The following SLIT2 variants were observed in gnomAD, a reference collection of about 807,000 sequenced individuals.
The protein encoded by SLIT2 is slit homolog 2 protein.
A neutral mutation model predicts 185.7 loss-of-function variants in SLIT2; 41 were observed. The observed-to-expected ratio is 0.22, with a 90% CI of 0.17 to 0.29. SLIT2 has a LOEUF of 0.29. Among genes scored for constraint, SLIT2 ranks in the 10% least tolerant of loss-of-function variants. SLIT2 has a pLI of 1.00. For synonymous variants in SLIT2, 693 were observed against 680.2 expected, an observed-to-expected ratio of 1.02 and a Z score of -0.29; for missense variants, 1,571 against 1,909.0, an observed-to-expected ratio of 0.82 and a Z score of 3.30.
chr4:20,383,357 G>A (rs1024049538), intron 4 of SLIT2, among the ~76,000 whole-genome samples: 1 of 152,092 alleles, frequency 6.6e-6, no homozygotes, highest in Non-Finnish European at 1.5e-5. Context: ...AATATGTAAA[G>A]AACTCTTTCA....
At chr4:20,390,217 A>G (rs1725304341) in intron 4 of SLIT2, among the ~76,000 whole-genome samples, 1 of 152,120 alleles carries the variant, frequency 6.6e-6, no homozygotes, top group African/African-American at 2.4e-5. Flanking sequence ...CACTATTCTA[A>G]TTAAATGCAA....
chr4:20,343,182 G>A (rs955333308), intron 4 of SLIT2, among the ~76,000 whole-genome samples: 2 of 151,882 alleles, frequency 1.3e-5, no homozygotes, highest in African/African-American at 2.4e-5. Context: ...TTGTATGTTT[G>A]TACCCATTAA....
At chr4:20,353,872 T>A (rs941067429) in intron 4 of SLIT2, among the ~76,000 whole-genome samples, 2 of 152,210 alleles carry the variant, frequency 1.3e-5, no homozygotes, top group Non-Finnish European at 2.9e-5. Context: ...TGCAATAAAC[T>A]TTAGGTTATT....
intron 4 of SLIT2, among the ~76,000 whole-genome samples, chr4:20,453,423 G>A (rs1045399186): frequency 6.6e-6 from 1 of 152,116 alleles, no homozygotes. Context: ...CTCCCAAAAC[G>A]TTATTTGTTG....
intron 9 of SLIT2, among the ~76,000 whole-genome samples, chr4:20,507,071 C>G (rs1719276201): frequency 6.6e-6 from 1 of 151,902 alleles, no homozygotes; most frequent in Non-Finnish European, 1.5e-5. Flanking sequence ...AGATCAGGTC[C>G]TTGGTACATT....
At chr4:20,399,004 G>A (rs115418288) in intron 4 of SLIT2, among the ~76,000 whole-genome samples, 1,624 of 151,636 alleles carry the variant, frequency 0.011, 33 homozygotes, top group African/African-American at 0.037. Context: ...TCAATAAAGC[G>A]TTAGTTTTAG....
At chr4:20,299,809 C>A (rs1716874761) in intron 4 of SLIT2, among the ~76,000 whole-genome samples, 5 of 151,894 alleles carry the variant, frequency 3.3e-5, no homozygotes, top group Admixed American at 3.3e-4. Flanking sequence ...CTTTCTTTAG[C>A]CTTGGCTGTC....
rs185637416 is a variant in SLIT2 at position 20,272,335 on chromosome 4, C to T, written c.395+3454C>T. Among the ~76,000 whole-genome samples the T allele has an allele frequency of 1.8e-3, 278 of 151,474 alleles. 1 individual carries two copies. Among genetic ancestry groups the T allele is most frequent in the Middle Eastern group, 6.9e-3 (2 of 288 alleles). On this transcript the variant is annotated intron_variant, in intron 4 of 36. Transcript: ENST00000504154. ...CTTATAGACTCTATCTTCCCCTTTG[C>T]TCCTCCTCCAAAATCAAGGTTGCAT...
rs141776724 is a variant in SLIT2 at position 20,432,897 on chromosome 4, G to A, written c.396-34855G>A. Among the ~76,000 whole-genome samples the A allele has an allele frequency of 5.9e-5, 9 of 152,192 alleles. No individual in the cohort carries two copies. In the South Asian group the frequency reaches 6.2e-4, roughly 11 times the overall value. On this transcript the variant is annotated intron_variant, in intron 4 of 36. Coordinates refer to ENST00000504154, the MANE Select transcript of SLIT2 (RefSeq NM_004787.4). The stretch of plus-strand genomic sequence containing the variant: ...CTCTAATTTGCACAGTTTTCACTGC[G>A]GTAGAATATGCTTAAGAAGAATCAT...
intron 29 of SLIT2, 93 bp from the exon 30 acceptor site, chr4:20,589,551 C>A: frequency 1.1e-6 from 1 of 940,200 alleles, no homozygotes; most frequent in Non-Finnish European, 1.7e-6. Context: ...CACAAGCTGC[C>A]CTAACCTCTA....
chr4:20,300,233 G>T (rs1246873079), intron 4 of SLIT2, among the ~76,000 whole-genome samples: 1 of 151,926 alleles, frequency 6.6e-6, no homozygotes, highest in Admixed American at 6.6e-5. Flanking sequence ...TAAGTTCAAG[G>T]TCTACCACAA....
At chr4:20,371,584 T>G (rs1340481402) in intron 4 of SLIT2, among the ~76,000 whole-genome samples, 1 of 152,028 alleles carries the variant, frequency 6.6e-6, no homozygotes, top group East Asian at 1.9e-4. Context: ...AGCCCCCACT[T>G]TTTCAGGCTT....
At chr4:20,614,458 A>G (rs1320017968) in intron 34 of SLIT2, among the ~76,000 whole-genome samples, 1 of 152,090 alleles carries the variant, frequency 6.6e-6, no homozygotes, top group Non-Finnish European at 1.5e-5. Context: ...AACTAGGCCA[A>G]TAGCATAGAG....
intron 4 of SLIT2, among the ~76,000 whole-genome samples, chr4:20,363,630 C>G (rs1225969221): frequency 6.6e-6 from 1 of 151,902 alleles, no homozygotes; most frequent in African/African-American, 2.4e-5. Flanking sequence ...AAAATTAATT[C>G]CAGGAAGACA....
At chr4:20,396,881 TA>T (rs1318556070) in intron 4 of SLIT2, among the ~76,000 whole-genome samples, 5 of 146,968 alleles carry the variant, frequency 3.4e-5, no homozygotes, top group Non-Finnish European at 7.6e-5. Context: ...ACACACCTAA[TA>T]TATAAATACA....
In SLIT2 at chr4:20,471,406, A is replaced by C. The variant is rs201336944; in HGVS notation, c.467+3583A>C. On this transcript the variant is annotated intron_variant, in intron 5 of 36. Transcript: ENST00000504154. ...TCAATACATTTCCATTAATATTAGC[A>C]TTATTAATATTATTAGTATTTGGTG... Among the ~76,000 whole-genome samples, 5 of 152,282 alleles carry C rather than the reference A, an allele frequency of 3.3e-5. No homozygotes were observed. The East Asian group carries it at 5.8e-4, about 18-fold the overall frequency.
In SLIT2 at chr4:20,617,008, G is replaced by A. The variant is rs1158759933; in HGVS notation, c.3946G>A (p.Glu1316Lys). ...GCIRNLYINS[E>K]LQDFQKVPMQ... ...CATCCGGAACCTTTACATCAACAGT[G>A]AGCTGCAGGACTTCCAGAAGGTGCC... Residue 1316 changes from glutamate to lysine, a missense_variant, in exon 35 of 37, where the codon GAG becomes AAG. This residue lies in a region of SLIT2 where 146 missense variants were observed against 247.4 expected (regional missense o/e 0.59). Transcript: ENST00000504154. 1 of 1,614,154 alleles carries A rather than the reference G, an allele frequency of 6.2e-7. No individual in the cohort carries two copies. The highest frequency in any genetic ancestry group is 1.1e-5 in the South Asian group (1 of 91,086).
At chr4:20,376,115 CTTTTTTTTTTTTTTT>C (rs71653881) in intron 4 of SLIT2, among the ~76,000 whole-genome samples, 3 of 79,654 alleles carry the variant, frequency 3.8e-5, no homozygotes, top group Non-Finnish European at 6.9e-5. Flanking sequence ...CATTGTTTAA[CTTTTTTTTTTTTTTT>C]TTTTTTTTTT....
At chr4:20,578,915 C>T (rs1726290541) in intron 29 of SLIT2, among the ~76,000 whole-genome samples, 1 of 152,140 alleles carries the variant, frequency 6.6e-6, no homozygotes, top group African/African-American at 2.4e-5. Context: ...CAGGCTTCCA[C>T]CTTTTTGATA....
Sources: gnomAD v4.1 joint callset for allele counts (sites outside exome capture counted in the v4.1 genomes callset) on GRCh38, gnomAD v4.1.1 for gene constraint, gnomAD v4.1.1 regional missense constraint, MANE v1.5 for transcripts, NCBI Gene and HGNC (gene_info 2026-07-23, HGNC 2026-07-21) for gene names.